The following SEMA3A variants were observed in gnomAD, a reference collection of about 807,000 sequenced individuals.
The protein encoded by SEMA3A is semaphorin 3A.
Under a neutral mutation model 97.9 loss-of-function variants are expected in SEMA3A, and 29 were observed. The ratio of observed to expected loss-of-function variants is 0.30; its 90% CI spans 0.22 to 0.40. SEMA3A has a LOEUF of 0.40. SEMA3A is among the 10% of genes least tolerant of loss of function. The pLI is 1.00. For missense variants in SEMA3A, 763 were observed against 951.3 expected, an observed-to-expected ratio of 0.80 and a Z score of 2.60; for synonymous variants, 321 against 323.7, an observed-to-expected ratio of 0.99 and a Z score of 0.09.
chr7:84,464,380 C>A (rs1238055550), intron 1 of SEMA3A, among the ~76,000 whole-genome samples: 1 of 152,142 alleles, frequency 6.6e-6, no homozygotes, highest in Non-Finnish European at 1.5e-5. Context: ...GAGGAGCTGA[C>A]ATTTAAGCTG....
chr7:84,194,358 T>C lies in SEMA3A; in HGVS notation c.112+117A>G, dbSNP rs369616652. On this transcript the variant is annotated intron_variant, in intron 1 of 16. Transcript: ENST00000265362. ...TCTCAGAAAGATACACATAATCACG[T>C]CGGTTTACCAGGTTAAACTAAAGGT... 1.0e-4 allele frequency: 67 copies of C among 670,090 alleles called. 1 individual carries two copies. The African/African-American group carries it at 1.2e-3, about 12-fold the overall frequency. The allele number at this position is 670,090 out of a possible 1,614,324, so 41.5% of individuals were successfully genotyped here. A position where few individuals can be genotyped will look rare whatever the true frequency, so the allele number is the denominator to read the frequency against.
chr7:84,304,026 A>G (rs1304164292), intron 3 of SEMA3A, among the ~76,000 whole-genome samples: 2 of 152,104 alleles, frequency 1.3e-5, no homozygotes, highest in Admixed American at 1.3e-4. Context: ...TTTCCATACC[A>G]AAGGTTCTTA....
intron 1 of SEMA3A, among the ~76,000 whole-genome samples, chr7:84,190,404 A>G (rs1798004333): frequency 6.6e-6 from 1 of 151,722 alleles, no homozygotes. Flanking sequence ...TAAGGTTAAT[A>G]GAATTTGAGA....
intron 3 of SEMA3A, among the ~76,000 whole-genome samples, chr7:84,287,149 T>G (rs1800610444): frequency 6.6e-6 from 1 of 152,092 alleles, no homozygotes; most frequent in Non-Finnish European, 1.5e-5. Context: ...AATTTTTCAT[T>G]CCAAATCATC....
intron 1 of SEMA3A, among the ~76,000 whole-genome samples, chr7:84,458,411 AATT>A (rs1442505356): frequency 6.6e-6 from 1 of 152,050 alleles, no homozygotes. Flanking sequence ...CAGAGAAAAA[AATT>A]ATGTCAATTT....
At position 84,001,979 on chromosome 7, in the gene SEMA3A, C is replaced by T. The variant is rs760419667; in HGVS notation, c.1428G>A (p.Leu476=). The T allele has an allele frequency of 4.3e-6, 7 of 1,612,542 alleles. No homozygotes were observed. Among genetic ancestry groups the T allele is most frequent in the Non-Finnish European group, 3.4e-6 (4 of 1,179,032 alleles). Residue 476 remains leucine (L), a synonymous_variant, in exon 12 of 17, where the codon CTG becomes CTA. Transcript: ENST00000265362. ...CCCGAAAAACTGTCATTTCTTCCAG[C>T]AGAACCTCTTCTAAATCATACCAAG... ...KETWYDLEEV[L]LEEMTVFREP...
At chr7:84,484,545 TCACACACA>T (rs10573589) in intron 1 of SEMA3A, among the ~76,000 whole-genome samples, 32 of 149,308 alleles carry the variant, frequency 2.1e-4, no homozygotes, top group African/African-American at 6.1e-4. Context: ...TTGTTCACTT[TCACACACA>T]CACACACACA....
chr7:84,347,102 T>C (rs932409271), intron 2 of SEMA3A, among the ~76,000 whole-genome samples: 1 of 152,222 alleles, frequency 6.6e-6, no homozygotes, highest in East Asian at 1.9e-4. Context: ...TACAAAATTG[T>C]ATAACTGCTT....
intron 1 of SEMA3A, among the ~76,000 whole-genome samples, chr7:84,435,359 C>T (rs1382915707): frequency 2.0e-5 from 3 of 152,126 alleles, no homozygotes; most frequent in African/African-American, 7.2e-5. Context: ...CCTGTAATCC[C>T]AGCACTTTGG....
At chr7:84,216,925 A>T (rs974846737) in intron 3 of SEMA3A, among the ~76,000 whole-genome samples, 2 of 152,310 alleles carry the variant, frequency 1.3e-5, no homozygotes, top group Admixed American at 1.3e-4. Context: ...AAAAGAGCTG[A>T]ATATGAAGAC....
Position 84,384,092 on chromosome 7 carries a change from T to G in SEMA3A, c.-245-12192A>C, listed in dbSNP as rs376552452. On this transcript the variant is annotated intron_variant, in intron 1 of 3. Coordinates refer to the SEMA3A transcript ENST00000424555. ...TGTCTCAATTACAAAGAGGGACACA[T>G]GAAAGTTAATGAGTCCTTTAAATAA... 6.6e-5 allele frequency among the ~76,000 whole-genome samples: 10 copies of G among 152,292 alleles called. 2 individuals carry two copies. The highest frequency in any genetic ancestry group is 6.5e-5 in the Admixed American group (1 of 15,296).
At chr7:84,432,206 T>C (rs1396518498) in intron 1 of SEMA3A, among the ~76,000 whole-genome samples, 3 of 152,138 alleles carry the variant, frequency 2.0e-5, no homozygotes, top group Non-Finnish European at 2.9e-5. Flanking sequence ...AATGTTTTAA[T>C]GTAGAAGTGA....
chr7:84,316,812 G>A (rs1455301694), intron 2 of SEMA3A, among the ~76,000 whole-genome samples: 1 of 151,956 alleles, frequency 6.6e-6, no homozygotes, highest in Non-Finnish European at 1.5e-5. Flanking sequence ...GAGGTTGCGG[G>A]GCGCCCACAA....
At chr7:84,336,019 A>G (rs926431111) in intron 2 of SEMA3A, among the ~76,000 whole-genome samples, 1 of 152,132 alleles carries the variant, frequency 6.6e-6, no homozygotes, top group Non-Finnish European at 1.5e-5. Context: ...GCTACTTGGT[A>G]TTTATAATAT....
At chr7:84,043,725 G>A (rs1792233620) in intron 6 of SEMA3A, among the ~76,000 whole-genome samples, 1 of 152,060 alleles carries the variant, frequency 6.6e-6, no homozygotes, top group Admixed American at 6.6e-5. Flanking sequence ...CCATCTTGCA[G>A]CAGTTCTGTT....
At chr7:83,985,408 A>T (rs1216258608) in intron 13 of SEMA3A, 28 bp downstream of exon 13, 3 of 1,520,972 alleles carry the variant, frequency 2.0e-6, no homozygotes. Flanking sequence ...AATATTGGAT[A>T]TTCAATGGTA....
upstream of SEMA3A, among the ~76,000 whole-genome samples, chr7:84,199,072 C>T (rs150912848): frequency 6.6e-6 from 1 of 152,264 alleles, no homozygotes; most frequent in African/African-American, 2.4e-5. Context: ...ATAATAAACA[C>T]TGTAATTTAA....
intron 1 of SEMA3A, among the ~76,000 whole-genome samples, chr7:84,159,086 A>T (rs1020061037): frequency 6.6e-6 from 1 of 151,814 alleles, no homozygotes; most frequent in Non-Finnish European, 1.5e-5. Flanking sequence ...TCACATTATC[A>T]TTAACTCAGA....
intron 2 of SEMA3A, among the ~76,000 whole-genome samples, chr7:84,344,007 C>CG (rs1554367392): frequency 1.5e-4 from 21 of 144,220 alleles, no homozygotes; most frequent in African/African-American, 2.3e-4. Flanking sequence ...CACTTTGTTT[C>CG]GGGGAAAAAA....
Sources: gnomAD v4.1 joint callset for allele counts (sites outside exome capture counted in the v4.1 genomes callset) on GRCh38, gnomAD v4.1.1 for gene constraint, MANE v1.5 for transcripts, NCBI Gene and HGNC (gene_info 2026-07-23, HGNC 2026-07-21) for gene names.